Variants in MED13L observed in about 807,000 individuals in gnomAD.
MED13L encodes mediator complex subunit 13L.
In MED13L, 7 loss-of-function variants were observed where a neutral mutation model predicts 220.9. That is an observed-to-expected ratio of 0.03 (90% confidence interval 0.02 to 0.06). The LOEUF (loss-of-function observed/expected upper bound fraction) is 0.06, where lower values mean the gene tolerates loss of function less well. Ranked by LOEUF, MED13L falls within the 10% of genes least tolerant of loss-of-function variation. The pLI is 1.00. For missense variants in MED13L, 1,965 were observed against 2,760.5 expected, an observed-to-expected ratio of 0.71 and a Z score of 6.46; for synonymous variants, 1,011 against 1,015.2, an observed-to-expected ratio of 1.00 and a Z score of 0.08.
At chr12:116,237,208 G>A (rs771836931) in intron 2 of MED13L, among the ~76,000 whole-genome samples, 8 of 151,990 alleles carry the variant, frequency 5.3e-5, no homozygotes, top group Non-Finnish European at 1.0e-4. Context: ...CCACCCCACC[G>A]CACCCAGGAG....
chr12:116,173,867 G>A (rs1487605811), intron 2 of MED13L, among the ~76,000 whole-genome samples: 1 of 152,152 alleles, frequency 6.6e-6, no homozygotes, highest in African/African-American at 2.4e-5. Flanking sequence ...GGGAGGCCAA[G>A]GCGAGAGGAC....
At chr12:116,195,377 C>T (rs1245300004) in intron 2 of MED13L, among the ~76,000 whole-genome samples, 7 of 152,038 alleles carry the variant, frequency 4.6e-5, no homozygotes, top group Non-Finnish European at 5.9e-5. Flanking sequence ...ATAAAGAAAA[C>T]GAATAAAAAC....
At chr12:116,001,774 T>G (rs1878760010) in intron 14 of MED13L, among the ~76,000 whole-genome samples, 1 of 152,244 alleles carries the variant, frequency 6.6e-6, no homozygotes, top group South Asian at 2.1e-4. Context: ...GTGCACTTTA[T>G]CATAAAATTT....
chr12:115,963,596 A>AATAAGTGAGG lies in MED13L; in HGVS notation c.6388-78_6388-77insCCTCACTTAT. 3 of 1,073,616 alleles carry AATAAGTGAGG rather than the reference A, an allele frequency of 2.8e-6. No individual in the cohort carries two copies. The East Asian group carries it at 7.5e-5, about 27-fold the overall frequency. 66.5% of individuals were successfully genotyped at this position (1,073,616 alleles called of 1,614,324 possible). A position where few individuals can be genotyped will look rare whatever the true frequency, so the allele number is the denominator to read the frequency against. On this transcript the variant is annotated intron_variant, in intron 29 of 30. Coordinates refer to ENST00000281928, the MANE Select transcript of MED13L (RefSeq NM_015335.5). Reference sequence around the variant, plus strand: ...AGAAGTGAGGGAGGCCATGTCTGCCAGAAGCAGATGCTCCCAAAAGTCCGT... The same window carrying AATAAGTGAGG: ...AGAAGTGAGGGAGGCCATGTCTGCCAATAAGTGAGGGAAGCAGATGCTCCCAAAAGTCCGT...
intron 9 of MED13L, 106 bp from the exon 10 acceptor site, chr12:116,009,238 A>G: frequency 9.2e-7 from 1 of 1,086,966 alleles, no homozygotes; most frequent in Non-Finnish European, 1.3e-6. Flanking sequence ...TACATATAAA[A>G]GGGCTCTAAG....
At chr12:116,255,138 T>C (rs1455835515) in intron 1 of MED13L, among the ~76,000 whole-genome samples, 2 of 152,202 alleles carry the variant, frequency 1.3e-5, no homozygotes, top group African/African-American at 4.8e-5. Flanking sequence ...TTTCAAGACA[T>C]ACTATAAAAT....
At chr12:115,980,395 C>A in intron 23 of MED13L, 1 of 304,666 alleles carries the variant, frequency 3.3e-6, no homozygotes, top group Non-Finnish European at 6.4e-6. Flanking sequence ...GTGATCACAG[C>A]TCACTGCCAT....
At chr12:116,021,167 A>T (rs946359052) in intron 5 of MED13L, among the ~76,000 whole-genome samples, 1 of 152,190 alleles carries the variant, frequency 6.6e-6, no homozygotes, top group African/African-American at 2.4e-5. Flanking sequence ...TAAGCAGAAT[A>T]ATGCTCCACA....
intron 2 of MED13L, among the ~76,000 whole-genome samples, chr12:116,186,262 TTGAC>T (rs1185641558): frequency 6.6e-6 from 1 of 152,150 alleles, no homozygotes; most frequent in Non-Finnish European, 1.5e-5. Context: ...TCTATCCTAC[TTGAC>T]TGAGAACCCT....
chr12:116,015,115 T>A lies in MED13L; in HGVS notation c.1169A>T (p.Gln390Leu), dbSNP rs1213206833. 1 of 1,613,396 alleles carries A rather than the reference T, an allele frequency of 6.2e-7. No individual in the cohort carries two copies. The highest frequency in any genetic ancestry group is 8.5e-7 in the Non-Finnish European group (1 of 1,179,492). ...VWKECILNRT[Q>L]SKRSQMSTPT... ...CATAATCGAGAAAACTTACTTGGAC[T>A]GGGTTCTGTTGAGGATGCATTCCTT... Residue 390 changes from glutamine to leucine, a missense_variant, in exon 8 of 31, where the codon CAG (glutamine) becomes CTG (leucine). Coordinates refer to ENST00000281928, the MANE Select transcript of MED13L (RefSeq NM_015335.5).
At chr12:116,137,839 T>C (rs1876695185) in intron 2 of MED13L, among the ~76,000 whole-genome samples, 1 of 151,006 alleles carries the variant, frequency 6.6e-6, no homozygotes, top group Admixed American at 6.7e-5. Flanking sequence ...TTTTATACCT[T>C]TATAATGAGG....
rs57877420 is a variant in MED13L, at chr12:115,968,053, T to TCCC, written c.6225+884_6225+886dup. Among the ~76,000 whole-genome samples, 14 of 40,626 alleles carry TCCC rather than the reference T, an allele frequency of 3.4e-4. 1 individual carries two copies. Among genetic ancestry groups the TCCC allele is most frequent in the South Asian group, 2.9e-3 (2 of 694 alleles). 26.7% of individuals were successfully genotyped at this position (40,626 alleles called of 152,430 possible). On this transcript the variant is annotated intron_variant, in intron 28 of 30. Coordinates refer to ENST00000281928, the MANE Select transcript of MED13L (RefSeq NM_015335.5). ...ATAAATTCAGTGCTGGGAATAAAAG[T>TCCC]CCCCCCCCCCCCCCGATGAAAACTG...
rs745339175 is a variant in MED13L at position 116,225,436 on chromosome 12, G to A, written c.310+12032C>T. The stretch of plus-strand genomic sequence containing the variant: ...TATACTCTTCATGAAACCAATAAAC[G>A]GCATGACAAATGTTTCCAAAATAGG... On this transcript the variant is annotated intron_variant, in intron 2 of 30. Coordinates refer to ENST00000281928, the MANE Select transcript of MED13L (RefSeq NM_015335.5). 2.0e-5 allele frequency among the ~76,000 whole-genome samples: 3 copies of A among 151,990 alleles called. No individual in the cohort carries two copies. In the South Asian group the frequency reaches 6.2e-4, roughly 31 times the overall value.
chr12:116,130,717 G>A (rs1028535337), intron 2 of MED13L, among the ~76,000 whole-genome samples: 1 of 152,180 alleles, frequency 6.6e-6, no homozygotes, highest in Admixed American at 6.5e-5. Context: ...AGTGACTACA[G>A]AAGTTCTACA....
intron 2 of MED13L, among the ~76,000 whole-genome samples, chr12:116,130,930 G>A (rs557315586): frequency 2.6e-5 from 4 of 151,934 alleles, no homozygotes; most frequent in Non-Finnish European, 5.9e-5. Flanking sequence ...TATATCTTAT[G>A]TTCAAAGTGA....
chr12:116,237,371 C>G (rs541639693), intron 2 of MED13L, 97 bp downstream of exon 2: 1 of 977,938 alleles, frequency 1.0e-6, no homozygotes, highest in African/African-American at 1.6e-5. Context: ...CACTTAAGAT[C>G]GTTCTTTTAG....
At chr12:116,193,272 C>T (rs1361263042) in intron 2 of MED13L, among the ~76,000 whole-genome samples, 1 of 152,200 alleles carries the variant, frequency 6.6e-6, no homozygotes, top group African/African-American at 2.4e-5. Context: ...GATCATGCCA[C>T]TGCACTACAG....
In MED13L at chr12:116,277,147, C is replaced by T. The variant is rs1593238440; in HGVS notation, c.-16G>A. On this transcript the variant is annotated 5_prime_UTR_variant, in exon 1 of 31. Coordinates refer to ENST00000281928, the MANE Select transcript of MED13L (RefSeq NM_015335.5). The stretch of plus-strand genomic sequence containing the variant: ...CCGCAGTCATGATCCTCCGCGAGCC[C>T]GGCCGCCAGAGCGGGGCATGTCGGA... 4 of 1,562,344 alleles carry T rather than the reference C, an allele frequency of 2.6e-6. No homozygotes were observed. The highest frequency in any genetic ancestry group is 3.5e-6 in the Non-Finnish European group (4 of 1,154,800).
At chr12:115,999,881 T>C (rs1227174823) in intron 14 of MED13L, among the ~76,000 whole-genome samples, 1 of 152,194 alleles carries the variant, frequency 6.6e-6, no homozygotes, top group East Asian at 1.9e-4. Context: ...AGGGATGAAA[T>C]TCTACCTCCA....
Sources: allele counts gnomAD v4.1 joint callset (sites outside exome capture counted in the v4.1 genomes callset), GRCh38; gene constraint gnomAD v4.1.1; transcripts MANE v1.5; gene names NCBI Gene and HGNC (gene_info 2026-07-23, HGNC 2026-07-21).